COL19A1: variants seen among roughly 807,000 people sequenced by gnomAD.
COL19A1 encodes collagen alpha-1(XIX) chain.
COL19A1 carries 159 observed loss-of-function variants against 190.2 expected under a neutral mutation model. The ratio of observed to expected loss-of-function variants is 0.84; its 90% CI spans 0.73 to 0.95. COL19A1 has a LOEUF of 0.95. Among genes scored for constraint, COL19A1 ranks in the 40% least tolerant of loss-of-function variants. The pLI, the probability that COL19A1 is intolerant of heterozygous loss-of-function variation, is 0.00. For synonymous variants in COL19A1, 509 were observed against 458.9 expected, an observed-to-expected ratio of 1.11 and a Z score of -1.39; for missense variants, 1,418 against 1,431.9, an observed-to-expected ratio of 0.99 and a Z score of 0.16.
Position 70,171,997 on chromosome 6 carries a change from G to A in COL19A1, c.2602G>A (p.Glu868Lys). ...EPGAMGLPGL[E>K]GFPGVKGDRG... is the part of the protein sequence containing the mutation. ...TGGTGCAATGGGGTTGCCAGGATTAGAAGGATTTCCAGGTGTAAAGGTAAG... is the reference window on the plus strand; with the variant it reads ...TGGTGCAATGGGGTTGCCAGGATTAAAAGGATTTCCAGGTGTAAAGGTAAG... Residue 868 changes from glutamate to lysine, a missense_variant, in exon 41 of 51, where the codon GAA becomes AAA. Physicochemically the swap from Glu to Lys is moderately conservative, Grantham distance 56. Coordinates refer to ENST00000620364, the MANE Select transcript of COL19A1 (RefSeq NM_001858.6). The A allele has an allele frequency of 6.2e-7, 1 of 1,611,426 alleles. No homozygotes were observed. The highest frequency in any genetic ancestry group is 1.1e-5 in the South Asian group (1 of 90,098).
At chr6:69,889,614 G>A (rs374978851) in intron 2 of COL19A1, among the ~76,000 whole-genome samples, 43 of 149,366 alleles carry the variant, frequency 2.9e-4, no homozygotes, top group African/African-American at 8.7e-4. Context: ...ACCAATCAGC[G>A]CTGTGTCTAG....
intron 4 of COL19A1, among the ~76,000 whole-genome samples, chr6:69,921,637 T>A (rs1166158975): frequency 6.9e-6 from 1 of 144,716 alleles, no homozygotes; most frequent in East Asian, 2.0e-4. Context: ...GATTCGTATA[T>A]ATTCGTATAT....
chr6:70,131,986 A>G (rs939626389), intron 18 of COL19A1, among the ~76,000 whole-genome samples: 1 of 152,134 alleles, frequency 6.6e-6, no homozygotes, highest in Non-Finnish European at 1.5e-5. Context: ...CCCTCCTCTC[A>G]CTCAAATAAA....
intron 36 of COL19A1, 111 bp downstream of exon 36, chr6:70,163,507 G>T: frequency 7.1e-6 from 7 of 987,052 alleles, no homozygotes; most frequent in Non-Finnish European, 9.1e-6. Context: ...AAGTAGAAAT[G>T]ATGGTAGAAA....
intron 11 of COL19A1, among the ~76,000 whole-genome samples, chr6:70,000,712 G>T (rs1363627955): frequency 2.0e-5 from 3 of 152,066 alleles, no homozygotes; most frequent in African/African-American, 7.2e-5. Flanking sequence ...TTTTGATGGG[G>T]TTGTTTGCTT....
intron 46 of COL19A1, 62 bp from the exon 47 acceptor site, chr6:70,188,013 T>C: frequency 6.3e-7 from 1 of 1,583,484 alleles, no homozygotes; most frequent in Non-Finnish European, 8.6e-7. Context: ...CCAGAACTTT[T>C]GCTCTCAACT....
At chr6:69,988,750 C>T (rs1175489552) in intron 11 of COL19A1, among the ~76,000 whole-genome samples, 3 of 152,158 alleles carry the variant, frequency 2.0e-5, no homozygotes, top group Non-Finnish European at 1.5e-5. Flanking sequence ...CATCATCTCT[C>T]AAGAGGATGG....
At chr6:69,975,564 C>A (rs56293172) in intron 11 of COL19A1, among the ~76,000 whole-genome samples, 33,501 of 152,018 alleles carry the variant, frequency 0.22, 6,253 homozygotes, top group African/African-American at 0.5. Flanking sequence ...TCTTGAGTCA[C>A]AATATAAGCA....
chr6:70,018,901 T>A (rs1262764318), intron 11 of COL19A1, among the ~76,000 whole-genome samples: 2 of 152,132 alleles, frequency 1.3e-5, no homozygotes, highest in Non-Finnish European at 2.9e-5. Context: ...AAGCATTAAC[T>A]ACCCCCATTT....
chr6:69,938,893 G>C (rs1773281859), intron 9 of COL19A1, among the ~76,000 whole-genome samples: 1 of 152,092 alleles, frequency 6.6e-6, no homozygotes, highest in African/African-American at 2.4e-5. Context: ...GTTAGAAGTT[G>C]ATTCTGTTTT....
chr6:70,027,195 A>G (rs1217301123), intron 12 of COL19A1, among the ~76,000 whole-genome samples: 1 of 152,212 alleles, frequency 6.6e-6, no homozygotes, highest in Non-Finnish European at 1.5e-5. Flanking sequence ...GAATGCTTTA[A>G]TATTTCTACT....
chr6:70,134,374 A>G (rs1026938359), intron 18 of COL19A1, among the ~76,000 whole-genome samples: 1 of 152,220 alleles, frequency 6.6e-6, no homozygotes, highest in Non-Finnish European at 1.5e-5. Context: ...TACCATAGAA[A>G]AAAACAATAC....
chr6:69,871,524 A>G (rs1365016746), intron 1 of COL19A1, among the ~76,000 whole-genome samples: 2 of 152,244 alleles, frequency 1.3e-5, no homozygotes, highest in African/African-American at 2.4e-5. Flanking sequence ...GATGCCATGT[A>G]CATTAAATGT....
chr6:70,074,443 G>A (rs370390467), intron 15 of COL19A1, among the ~76,000 whole-genome samples: 2 of 144,856 alleles, frequency 1.4e-5, no homozygotes, highest in African/African-American at 5.2e-5. Context: ...AAGTTGCAGT[G>A]AGCCGAGATT....
At position 70,035,924 on chromosome 6, in the gene COL19A1, A is replaced by T. The variant is rs774162812; in HGVS notation, c.1155A>T (p.Gly385=). 1 of 1,613,622 alleles carries T rather than the reference A, an allele frequency of 6.2e-7. No individual in the cohort carries two copies. Among genetic ancestry groups the T allele is most frequent in the Non-Finnish European group, 8.5e-7 (1 of 1,179,562 alleles). ...TTTAGGGAGATACAGGACCCCCAGG[A>T]CCACCAGCCTTACCTGTAAGTATTC... ...KGEKGDTGPP[G]PPALPGSLGI... The change falls in exon 14 of 51, where the codon GGA becomes GGT. Residue 385 remains glycine, a synonymous_variant. Transcript: ENST00000620364.
At chr6:70,129,970 C>T (rs1220947841) in intron 17 of COL19A1, among the ~76,000 whole-genome samples, 7 of 152,170 alleles carry the variant, frequency 4.6e-5, no homozygotes, top group Admixed American at 3.3e-4. Context: ...AAAGAAGATG[C>T]ATGGGGTGTC....
intron 31 of COL19A1, among the ~76,000 whole-genome samples, chr6:70,153,577 T>C (rs1446204518): frequency 2.6e-5 from 4 of 152,174 alleles, no homozygotes; most frequent in Non-Finnish European, 5.9e-5. Flanking sequence ...TTTATCATAA[T>C]GATTATCATT....
At chr6:70,137,151 A>G (rs1785921462) in intron 18 of COL19A1, among the ~76,000 whole-genome samples, 1 of 152,184 alleles carries the variant, frequency 6.6e-6, no homozygotes, top group Admixed American at 6.5e-5. Context: ...TGCTGTCACC[A>G]CATCTACAAG....
chr6:70,108,811 A>C (rs994332320), intron 16 of COL19A1, among the ~76,000 whole-genome samples: 7 of 152,282 alleles, frequency 4.6e-5, no homozygotes, highest in Admixed American at 1.3e-4. Context: ...AAACATGTAC[A>C]TTCATGTTTC....
Sources: allele counts gnomAD v4.1 joint callset (sites outside exome capture counted in the v4.1 genomes callset), GRCh38; gene constraint gnomAD v4.1.1; transcripts MANE v1.5; gene names NCBI Gene and HGNC (gene_info 2026-07-23, HGNC 2026-07-21).